The following CADM1 variants were observed in gnomAD, a reference collection of about 807,000 sequenced individuals.
The protein encoded by CADM1 is cell adhesion molecule 1.
A neutral mutation model predicts 53.1 loss-of-function variants in CADM1; 15 were observed. The observed-to-expected ratio is 0.28, with a 90% CI of 0.19 to 0.44. The LOEUF (loss-of-function observed/expected upper bound fraction) is 0.44, where lower values mean the gene tolerates loss of function less well. Ranked by LOEUF, CADM1 falls within the 20% of genes least tolerant of loss-of-function variation. The pLI, the probability that CADM1 is intolerant of heterozygous loss-of-function variation, is 1.00. For synonymous variants in CADM1, 281 were observed against 243.0 expected (o/e 1.16, Z -1.45); for missense variants, 434 against 611.3 (o/e 0.71, Z 3.06).
chr11:115,249,401 T>G (rs1942516053), intron 1 of CADM1, among the ~76,000 whole-genome samples: 1 of 152,256 alleles, frequency 6.6e-6, no homozygotes, highest in South Asian at 2.1e-4. Context: ...TAGCAGCTGA[T>G]AGCTGATAAA....
chr11:115,368,690 A>G (rs1392601367), intron 1 of CADM1, among the ~76,000 whole-genome samples: 3 of 152,106 alleles, frequency 2.0e-5, no homozygotes, highest in Non-Finnish European at 4.4e-5. Flanking sequence ...TTGGGTTAAC[A>G]TGACTCTGAG....
At chr11:115,385,023 T>C (rs1946665253) in intron 1 of CADM1, among the ~76,000 whole-genome samples, 1 of 152,176 alleles carries the variant, frequency 6.6e-6, no homozygotes, top group African/African-American at 2.4e-5. Context: ...AATCTAAGAC[T>C]GTGCTTTTGA....
At chr11:115,305,275 C>T (rs573713787) in intron 1 of CADM1, among the ~76,000 whole-genome samples, 17 of 151,998 alleles carry the variant, frequency 1.1e-4, no homozygotes, top group Admixed American at 2.0e-4. Context: ...ATCTGGACTC[C>T]TGCCTACGGG....
intron 1 of CADM1, among the ~76,000 whole-genome samples, chr11:115,352,976 G>A (rs1050071250): frequency 1.3e-5 from 2 of 152,182 alleles, no homozygotes; most frequent in Non-Finnish European, 2.9e-5. Flanking sequence ...GAATAGTGCT[G>A]CAGTGAACAT....
At chr11:115,304,230 T>C (rs1190801169) in intron 1 of CADM1, among the ~76,000 whole-genome samples, 1 of 152,064 alleles carries the variant, frequency 6.6e-6, no homozygotes, top group Non-Finnish European at 1.5e-5. Flanking sequence ...TGCCATCAAC[T>C]CTAAATGAAG....
intron 1 of CADM1, 37 bp from the exon 2 acceptor site, chr11:115,240,457 C>G (rs1002258464): frequency 6.2e-7 from 1 of 1,610,176 alleles, no homozygotes; most frequent in Admixed American, 1.7e-5. Flanking sequence ...AGGAAAATTT[C>G]CATCAATTAA....
At chr11:115,494,171 C>A (rs1467802128) in intron 1 of CADM1, among the ~76,000 whole-genome samples, 1 of 152,018 alleles carries the variant, frequency 6.6e-6, no homozygotes, top group African/African-American at 2.4e-5. Flanking sequence ...AAAATGTTAA[C>A]AGTTGATGGA....
chr11:115,266,625 CAT>C (rs1249323913), intron 1 of CADM1, among the ~76,000 whole-genome samples: 2 of 152,212 alleles, frequency 1.3e-5, no homozygotes, highest in East Asian at 1.9e-4. Flanking sequence ...TTTATAGCCA[CAT>C]GAGTATAAGC....
chr11:115,274,954 C>T (rs748500728), intron 1 of CADM1, among the ~76,000 whole-genome samples: 1 of 152,178 alleles, frequency 6.6e-6, no homozygotes, highest in Non-Finnish European at 1.5e-5. Context: ...CCGTTTGCTG[C>T]CATGGTATTT....
At chr11:115,416,395 T>C (rs1947597774) in intron 1 of CADM1, among the ~76,000 whole-genome samples, 2 of 152,284 alleles carry the variant, frequency 1.3e-5, no homozygotes, top group East Asian at 1.9e-4. Flanking sequence ...ACTGTTCAGA[T>C]TGTAAACATG....
intron 1 of CADM1, among the ~76,000 whole-genome samples, chr11:115,442,165 G>C (rs116220527): frequency 0.011 from 1,716 of 151,846 alleles, 37 homozygotes; most frequent in African/African-American, 0.038. Context: ...CACACTAGAT[G>C]GATGGTGACA....
chr11:115,251,904 T>G (rs1942617852), intron 1 of CADM1, among the ~76,000 whole-genome samples: 1 of 152,196 alleles, frequency 6.6e-6, no homozygotes, highest in African/African-American at 2.4e-5. Flanking sequence ...GATTCTACTC[T>G]TATGCCTGCT....
intron 1 of CADM1, among the ~76,000 whole-genome samples, chr11:115,460,336 C>T (rs1948768497): frequency 1.3e-5 from 2 of 152,154 alleles, no homozygotes; most frequent in African/African-American, 4.8e-5. Flanking sequence ...GTCCCAAAGG[C>T]CAGGCTTTTC....
At chr11:115,314,459 C>T (rs890954125) in intron 1 of CADM1, among the ~76,000 whole-genome samples, 1 of 152,164 alleles carries the variant, frequency 6.6e-6, no homozygotes, top group Non-Finnish European at 1.5e-5. Context: ...ATAAGTAATA[C>T]AAGTGAGCCT....
intron 1 of CADM1, among the ~76,000 whole-genome samples, chr11:115,423,028 CTG>C (rs1565419566): frequency 3.9e-5 from 5 of 128,872 alleles, no homozygotes. Flanking sequence ...ACGCTACGGT[CTG>C]TTTTTTTTTT....
At chr11:115,189,575 C>A (rs973297361) in intron 10 of CADM1, among the ~76,000 whole-genome samples, 1 of 152,178 alleles carries the variant, frequency 6.6e-6, no homozygotes, top group African/African-American at 2.4e-5. Context: ...GACTTATCCA[C>A]CCTTATTTTA....
At chr11:115,384,905 A>G (rs1946662046) in intron 1 of CADM1, among the ~76,000 whole-genome samples, 1 of 152,106 alleles carries the variant, frequency 6.6e-6, no homozygotes, top group African/African-American at 2.4e-5. Context: ...TGTAATTGAA[A>G]CCTTCTTTGA....
intron 1 of CADM1, among the ~76,000 whole-genome samples, chr11:115,249,013 T>C (rs1448294392): frequency 6.6e-6 from 1 of 152,236 alleles, no homozygotes; most frequent in African/African-American, 2.4e-5. Flanking sequence ...AGGCTTCTTA[T>C]GAAACTAATT....
At chr11:115,284,669 A>C (rs1419077939) in intron 1 of CADM1, among the ~76,000 whole-genome samples, 1 of 152,032 alleles carries the variant, frequency 6.6e-6, no homozygotes, top group Non-Finnish European at 1.5e-5. Context: ...CACCCCAGTC[A>C]CTCTGATTAA....
Sources: allele counts gnomAD v4.1 joint callset (sites outside exome capture counted in the v4.1 genomes callset), GRCh38; gene constraint gnomAD v4.1.1; transcripts MANE v1.5; gene names NCBI Gene and HGNC (gene_info 2026-07-23, HGNC 2026-07-21).